BCAT1: variants seen among roughly 807,000 people sequenced by gnomAD.
BCAT1 encodes branched chain amino acid transaminase 1.
Under a neutral mutation model 52.4 loss-of-function variants are expected in BCAT1, and 48 were observed. That is an observed-to-expected ratio of 0.92 (90% CI 0.73 to 1.16). The LOEUF is 1.16. Among genes scored for constraint, BCAT1 ranks in the 50% most tolerant of loss-of-function variants. The pLI is 0.00. For missense variants in BCAT1, 451 were observed against 457.1 expected (o/e 0.99, Z 0.12); for synonymous variants, 167 against 161.3 (o/e 1.04, Z -0.27).
intron 10 of BCAT1, among the ~76,000 whole-genome samples, chr12:24,827,263 T>C (rs1940443114): frequency 6.6e-6 from 1 of 152,246 alleles, no homozygotes; most frequent in Admixed American, 6.5e-5. Flanking sequence ...TTTATTATTT[T>C]CAGATTTACT....
chr12:24,824,271 C>CTT (rs879457382), intron 10 of BCAT1, among the ~76,000 whole-genome samples: 113,120 of 143,574 alleles, frequency 0.79, 45,415 homozygotes, highest in Admixed American at 0.83. Flanking sequence ...TCCTTCATTC[C>CTT]CTCCCTCCCT....
intron 3 of BCAT1, among the ~76,000 whole-genome samples, chr12:24,888,336 T>C (rs1355822740): frequency 6.6e-6 from 1 of 152,004 alleles, no homozygotes; most frequent in Non-Finnish European, 1.5e-5. Flanking sequence ...CTGTCTCTAC[T>C]AAAAATACAA....
intron 1 of BCAT1, among the ~76,000 whole-genome samples, chr12:24,905,885 A>G (rs1486825800): frequency 6.6e-6 from 1 of 150,426 alleles, no homozygotes; most frequent in East Asian, 1.9e-4. Flanking sequence ...AAGCTATTAC[A>G]GAACCCACAT....
rs147957149 is a variant in BCAT1 at position 24,846,510 on chromosome 12, T to C, written c.674+3276A>G. Among the ~76,000 whole-genome samples, 19 of 152,322 alleles carry C rather than the reference T, an allele frequency of 1.2e-4. 1 individual carries two copies. The highest frequency in any genetic ancestry group is 4.1e-4 in the African/African-American group (17 of 41,584). Reference sequence around the variant, plus strand: ...GTTTTAAATAGGTTATCTGGGAGAATAGACATATTAAATACATCCCTCCAA... The same window carrying C: ...GTTTTAAATAGGTTATCTGGGAGAACAGACATATTAAATACATCCCTCCAA... On this transcript the variant is annotated intron_variant, in intron 6 of 10. Transcript: ENST00000261192.
At chr12:24,911,821 G>A (rs1371019112) in intron 1 of BCAT1, among the ~76,000 whole-genome samples, 2 of 152,208 alleles carry the variant, frequency 1.3e-5, no homozygotes, top group African/African-American at 4.8e-5. Context: ...CAGATGGACA[G>A]AGAGACAAAC....
At position 24,891,959 on chromosome 12, in the gene BCAT1, A is replaced by C. The variant is rs4963817; in HGVS notation, c.279+2316T>G. Reference sequence around the variant, plus strand: ...TTTTTAGTAGAGATGGGGTTTCACCATGTTAGCCAGGATGGTCTCGATCTC... The same window carrying C: ...TTTTTAGTAGAGATGGGGTTTCACCCTGTTAGCCAGGATGGTCTCGATCTC... On this transcript the variant is annotated intron_variant, in intron 3 of 10. Transcript: ENST00000261192. Among the ~76,000 whole-genome samples the C allele has an allele frequency of 3.3e-5, 5 of 149,666 alleles. No homozygotes were observed. In the East Asian group the frequency reaches 7.8e-4, roughly 23 times the overall value.
At chr12:24,948,824 CT>C in intron 1 of BCAT1, 102 bp downstream of exon 1, 1 of 1,319,870 alleles carries the variant, frequency 7.6e-7, no homozygotes, top group South Asian at 1.3e-5. Flanking sequence ...CCATGGTTGT[CT>C]CGCCTTCCTC....
chr12:24,891,255 A>G (rs1942829949), intron 3 of BCAT1, among the ~76,000 whole-genome samples: 1 of 152,146 alleles, frequency 6.6e-6, no homozygotes. Context: ...AAGAGCCTTC[A>G]ACTCCTTGAG....
At chr12:24,834,839 T>C (rs1940849608) in intron 8 of BCAT1, 1 of 1,073,858 alleles carries the variant, frequency 9.3e-7, no homozygotes, top group Non-Finnish European at 1.1e-6. Context: ...AACTCTTTTG[T>C]AAATAAGCAG....
chr12:24,923,463 G>A (rs1025832412), intron 1 of BCAT1, among the ~76,000 whole-genome samples: 2 of 152,150 alleles, frequency 1.3e-5, no homozygotes, highest in African/African-American at 4.8e-5. Flanking sequence ...CTCCCAGGCT[G>A]GAGTGCAGTG....
chr12:24,889,546 A>G (rs1388286518), intron 3 of BCAT1, among the ~76,000 whole-genome samples: 13 of 152,242 alleles, frequency 8.5e-5, no homozygotes, highest in Non-Finnish European at 2.9e-5. Flanking sequence ...GTAAGGCAGA[A>G]ATAATACTGT....
rs370009030 is a variant in BCAT1, at chr12:24,933,684, C to T, written c.6+15243G>A. Among the ~76,000 whole-genome samples the T allele has an allele frequency of 1.1e-4, 17 of 151,946 alleles. No homozygotes were observed. The East Asian group carries it at 1.2e-3, about 10-fold the overall frequency. On this transcript the variant is annotated intron_variant, in intron 1 of 10. Coordinates refer to ENST00000261192, the MANE Select transcript of BCAT1 (RefSeq NM_005504.7). ...ATACCCCAGGTTCATCCTCTCATGC[C>T]GGGAAAATTCAGAACAGACACACAC...
chr12:24,888,767 G>T (rs1157937976), intron 3 of BCAT1, among the ~76,000 whole-genome samples: 2 of 152,120 alleles, frequency 1.3e-5, no homozygotes, highest in African/African-American at 2.4e-5. Context: ...AGATAGTGAG[G>T]GTACAAGAGT....
At position 24,901,670 on chromosome 12, in the gene BCAT1, C is replaced by G. The variant is rs148137484; in HGVS notation, c.78+144G>C. The G allele has an allele frequency of 1.0e-4, 84 of 828,978 alleles. 1 individual carries two copies. The African/African-American group carries it at 1.4e-3, about 14-fold the overall frequency. 51.4% of individuals were successfully genotyped at this position (828,978 alleles called of 1,614,324 possible). A position where few individuals can be genotyped will look rare whatever the true frequency, so the allele number is the denominator to read the frequency against. ...CACTCTCTAAATGGCTTTTTTTCCT[C>G]TAAGAGTGGAATTTTAAAAGTCTGG... is the stretch of plus-strand genomic sequence containing the variant. On this transcript the variant is annotated intron_variant, in intron 2 of 10. Coordinates refer to ENST00000261192, the MANE Select transcript of BCAT1 (RefSeq NM_005504.7).
chr12:24,831,424 G>C (rs1416395887), intron 9 of BCAT1, among the ~76,000 whole-genome samples: 1 of 152,154 alleles, frequency 6.6e-6, no homozygotes, highest in African/African-American at 2.4e-5. Flanking sequence ...CAAGGCAGGT[G>C]AATCACTTGA....
chr12:24,846,182 G>A (rs535119826), intron 6 of BCAT1, among the ~76,000 whole-genome samples: 6 of 152,310 alleles, frequency 3.9e-5, no homozygotes, highest in African/African-American at 1.2e-4. Context: ...GAGGATTAAA[G>A]ACAGTGACTA....
intron 1 of BCAT1, among the ~76,000 whole-genome samples, chr12:24,947,157 C>T (rs1303138726): frequency 7.0e-6 from 1 of 142,780 alleles, no homozygotes. Context: ...CTAGGCCTCC[C>T]GTCTTCCCTC....
rs749934484 is a variant in BCAT1 at position 24,901,899 on chromosome 12, TA to T, written c.7-15del. 25 of 1,613,820 alleles carry T rather than the reference TA, an allele frequency of 1.5e-5. No individual in the cohort carries two copies. Among genetic ancestry groups the T allele is most frequent in the Non-Finnish European group, 1.8e-5 (21 of 1,179,878 alleles). ...GTTACTGCAATCCTTAAAGAAGAAT[TA>T]AACCACCATTAAGTAAATGCAGGTG... On this transcript the variant is annotated splice_polypyrimidine_tract_variant and intron_variant, in intron 1 of 10. Transcript: ENST00000261192.
intron 10 of BCAT1, 120 bp from the exon 11 acceptor site, chr12:24,818,169 T>G: frequency 1.1e-6 from 1 of 921,816 alleles, no homozygotes; most frequent in Non-Finnish European, 1.7e-6. Context: ...TGAACAACAT[T>G]TTCACATTAA....
Sources: gnomAD v4.1 joint callset for allele counts (sites outside exome capture counted in the v4.1 genomes callset) on GRCh38, gnomAD v4.1.1 for gene constraint, MANE v1.5 for transcripts, NCBI Gene and HGNC (gene_info 2026-07-23, HGNC 2026-07-21) for gene names.